Variants in TOX3 observed in about 807,000 individuals in gnomAD.
TOX3 encodes the protein CAG trinucleotide repeat-containing gene F9 protein.
In TOX3, 22 loss-of-function variants were observed where a neutral mutation model predicts 64.3. The ratio of observed to expected loss-of-function variants is 0.34; its 90% CI spans 0.24 to 0.49. The LOEUF (loss-of-function observed/expected upper bound fraction) is 0.49, where lower values mean the gene tolerates loss of function less well. Among genes scored for constraint, TOX3 ranks in the 20% least tolerant of loss-of-function variants. The pLI, the probability that TOX3 is intolerant of heterozygous loss-of-function variation, is 0.99. For missense variants in TOX3, 661 were observed against 714.4 expected (o/e 0.93, Z 0.85); for synonymous variants, 291 against 273.6 (o/e 1.06, Z -0.63).
At chr16:52,443,290 T>A (rs1238875025) in intron 6 of TOX3, among the ~76,000 whole-genome samples, 8 of 152,182 alleles carry the variant, frequency 5.3e-5, no homozygotes, top group Admixed American at 5.2e-4. Context: ...GAAAGAGGTT[T>A]TGCTATTGAC....
At chr16:52,446,956 A>G (rs1200181674) in intron 4 of TOX3, among the ~76,000 whole-genome samples, 1 of 152,220 alleles carries the variant, frequency 6.6e-6, no homozygotes, top group Non-Finnish European at 1.5e-5. Context: ...CACTAAGAAG[A>G]CTAAAAAGAA....
At chr16:52,531,350 A>C (rs967584100) in intron 1 of TOX3, among the ~76,000 whole-genome samples, 7 of 152,206 alleles carry the variant, frequency 4.6e-5, no homozygotes, top group Non-Finnish European at 8.8e-5. Flanking sequence ...GAACTCAAAC[A>C]GTTAAGAAAA....
In TOX3 at chr16:52,541,423, G is replaced by A. The variant is rs45465098; in HGVS notation, c.87+5214C>T. Among the ~76,000 whole-genome samples the A allele has an allele frequency of 1.9e-3, 289 of 152,256 alleles. 1 individual carries two copies. The highest frequency in any genetic ancestry group is 3.4e-3 in the Non-Finnish European group (233 of 68,016). ...CAAAGGTCTGAATATGAGACAGGCTGTGAAACAGGCCGTGATGAACTATGG... is the reference window on the plus strand; with the variant it reads ...CAAAGGTCTGAATATGAGACAGGCTATGAAACAGGCCGTGATGAACTATGG... On this transcript the variant is annotated intron_variant, in intron 1 of 6. Coordinates refer to ENST00000219746, the MANE Select transcript of TOX3 (RefSeq NM_001080430.4).
intron 1 of TOX3, among the ~76,000 whole-genome samples, chr16:52,537,188 T>C (rs933604386): frequency 1.3e-5 from 2 of 152,070 alleles, no homozygotes; most frequent in African/African-American, 4.8e-5. Flanking sequence ...CACATACATA[T>C]GCAAATGTAC....
Position 52,437,837 on chromosome 16 carries a change from T to G in TOX3, c.*1388A>C, listed in dbSNP as rs75695286. On this transcript the variant is annotated 3_prime_UTR_variant, in exon 7 of 7. Coordinates refer to ENST00000219746, the MANE Select transcript of TOX3 (RefSeq NM_001080430.4). ...AAGACAATTACACAAATATTTCCAATGCGTTGTTTTGGTTTTTTCAAGGAT... is the reference window on the plus strand; with the variant it reads ...AAGACAATTACACAAATATTTCCAAGGCGTTGTTTTGGTTTTTTCAAGGAT... Among the ~76,000 whole-genome samples the G allele has an allele frequency of 2.0e-5, 3 of 148,254 alleles. No individual in the cohort carries two copies. Among genetic ancestry groups the G allele is most frequent in the Non-Finnish European group, 1.5e-5 (1 of 67,022 alleles).
intron 1 of TOX3, among the ~76,000 whole-genome samples, chr16:52,509,286 A>G (rs1962239977): frequency 6.6e-6 from 1 of 152,198 alleles, no homozygotes; most frequent in Admixed American, 6.5e-5. Context: ...TTCATGGGTA[A>G]AAATACTCCT....
intron 1 of TOX3, among the ~76,000 whole-genome samples, chr16:52,540,390 C>T (rs1963051905): frequency 1.3e-5 from 2 of 151,928 alleles, no homozygotes; most frequent in Admixed American, 1.3e-4. Context: ...CACAGCAAGA[C>T]TCCATCTCAA....
intron 1 of TOX3, among the ~76,000 whole-genome samples, chr16:52,534,778 T>C (rs930491314): frequency 6.6e-6 from 1 of 152,214 alleles, no homozygotes; most frequent in African/African-American, 2.4e-5. Context: ...TTTAAAAAAC[T>C]GGTTTTTAAA....
intron 3 of TOX3, among the ~76,000 whole-genome samples, chr16:52,452,871 T>A (rs1423134527): frequency 6.6e-6 from 1 of 152,212 alleles, no homozygotes; most frequent in Non-Finnish European, 1.5e-5. Context: ...GTGTCACAAG[T>A]ATCAGAACAC....
At chr16:52,513,253 C>A (rs551554716) in intron 1 of TOX3, among the ~76,000 whole-genome samples, 2 of 152,352 alleles carry the variant, frequency 1.3e-5, no homozygotes, top group South Asian at 2.1e-4. Flanking sequence ...ATGGCATCAT[C>A]TTCCAAACAA....
At chr16:52,448,975 C>T (rs1035153862) in intron 4 of TOX3, among the ~76,000 whole-genome samples, 2 of 152,322 alleles carry the variant, frequency 1.3e-5, no homozygotes, top group Non-Finnish European at 2.9e-5. Flanking sequence ...CAAACTAAAA[C>T]CCAATTTGTC....
At chr16:52,519,643 A>G in intron 1 of TOX3, 1 of 1,373,100 alleles carries the variant, frequency 7.3e-7, no homozygotes, top group East Asian at 2.6e-5. Flanking sequence ...CTGAGAAGAC[A>G]TCACTTCTTA....
At chr16:52,547,373 C>G (rs1963224427), upstream of TOX3, 1 of 149,902 alleles carries the variant, frequency 6.7e-6, no homozygotes, top group Non-Finnish European at 1.5e-5. Context: ...CCTACCTCGC[C>G]CCCCTTCCCG....
At chr16:52,470,658 G>C (rs780138045) in intron 1 of TOX3, among the ~76,000 whole-genome samples, 9 of 152,154 alleles carry the variant, frequency 5.9e-5, no homozygotes, top group Non-Finnish European at 1.2e-4. Flanking sequence ...CCATTAATTA[G>C]TATTTGCCCT....
chr16:52,511,418 G>A (rs1483304044), intron 1 of TOX3, among the ~76,000 whole-genome samples: 1 of 152,140 alleles, frequency 6.6e-6, no homozygotes, highest in Admixed American at 6.5e-5. Context: ...CTTAAACCTG[G>A]GAGGCGGAGG....
chr16:52,438,839 T>C lies in TOX3; in HGVS notation c.*386A>G. 1 of 475,002 alleles carries C rather than the reference T, an allele frequency of 2.1e-6. No individual in the cohort carries two copies. The highest frequency in any genetic ancestry group is 1.6e-5 in the South Asian group (1 of 61,232). The allele number at this position is 475,002 out of a possible 1,614,324, so 29.4% of individuals were successfully genotyped here. A position where few individuals can be genotyped will look rare whatever the true frequency, so the allele number is the denominator to read the frequency against. On this transcript the variant is annotated 3_prime_UTR_variant, in exon 7 of 7. Coordinates refer to ENST00000219746, the MANE Select transcript of TOX3 (RefSeq NM_001080430.4). ...TAGGGCTTCAGGAGTTCAGATAGCC[T>C]GGAAGTGTGGTTTACTCACTTCTGG...
chr16:52,452,614 G>T (rs1229398496), intron 3 of TOX3, among the ~76,000 whole-genome samples: 1 of 151,570 alleles, frequency 6.6e-6, no homozygotes, highest in African/African-American at 2.4e-5. Flanking sequence ...CACCAACATG[G>T]CATGTGTATA....
intron 1 of TOX3, among the ~76,000 whole-genome samples, chr16:52,473,456 C>T (rs1181978157): frequency 1.3e-5 from 2 of 152,154 alleles, no homozygotes; most frequent in Non-Finnish European, 2.9e-5. Context: ...TCACTATGGA[C>T]ATCTGTCAAG....
At chr16:52,505,244 T>C (rs1238724678) in intron 1 of TOX3, among the ~76,000 whole-genome samples, 1 of 152,220 alleles carries the variant, frequency 6.6e-6, no homozygotes, top group Non-Finnish European at 1.5e-5. Context: ...TTCACTACTC[T>C]CTTGTTAGTC....
Sources: allele counts gnomAD v4.1 joint callset (sites outside exome capture counted in the v4.1 genomes callset), GRCh38; gene constraint gnomAD v4.1.1; transcripts MANE v1.5; gene names NCBI Gene and HGNC (gene_info 2026-07-23, HGNC 2026-07-21).